Variants in TBC1D9B observed in about 807,000 individuals in gnomAD.
TBC1D9B encodes the protein TBC1 domain family member 9B, also known as TBC1 domain family, member 9B (with GRAM domain).
Under a neutral mutation model 121.1 loss-of-function variants are expected in TBC1D9B, and 87 were observed. That is an observed-to-expected ratio of 0.72 (90% CI 0.60 to 0.86). TBC1D9B has a LOEUF of 0.86. Ranked by LOEUF, TBC1D9B falls within the 40% of genes least tolerant of loss-of-function variation. The probability of loss-of-function intolerance (pLI) is 0.00; values close to 1 mark genes in which losing one functional copy is unlikely to be tolerated. For synonymous variants in TBC1D9B, 668 were observed against 670.1 expected (o/e 1.00, Z 0.05); for missense variants, 1,540 against 1,628.6 (o/e 0.95, Z 0.94).
At chr5:179,884,130 C>T (rs1032016530) in intron 7 of TBC1D9B, among the ~76,000 whole-genome samples, 1 of 152,032 alleles carries the variant, frequency 6.6e-6, no homozygotes, top group Non-Finnish European at 1.5e-5. Context: ...CGTCAGGCAG[C>T]GATAAGGCTG....
rs368891211 is a variant in TBC1D9B at position 179,869,887 on chromosome 5, T to A, written c.2726-53A>T. The A allele has an allele frequency of 3.3e-4, 491 of 1,492,490 alleles. 2 individuals carry two copies. The highest frequency in any genetic ancestry group is 1.9e-3 in the South Asian group (139 of 73,610). 92.5% of individuals were successfully genotyped at this position (1,492,490 alleles called of 1,614,324 possible). A position where few individuals can be genotyped will look rare whatever the true frequency, so the allele number is the denominator to read the frequency against. On this transcript the variant is annotated intron_variant, in intron 16 of 20. Transcript: ENST00000355235. ...TCTGGCAACATGGCTGCAGAGCCCCTTCCAGGGGGTCCGAGTAGGACCCTC... is the reference window on the plus strand; with the variant it reads ...TCTGGCAACATGGCTGCAGAGCCCCATCCAGGGGGTCCGAGTAGGACCCTC...
chr5:179,876,742 A>G (rs1760370672), intron 10 of TBC1D9B, among the ~76,000 whole-genome samples: 1 of 152,168 alleles, frequency 6.6e-6, no homozygotes, highest in African/African-American at 2.4e-5. Flanking sequence ...AAAATGGTGC[A>G]GCTGCTGGGG....
chr5:179,874,894 C>A lies in TBC1D9B; in HGVS notation c.2186+8G>T. On this transcript the variant is annotated splice_region_variant and intron_variant, in intron 12 of 20. Coordinates refer to ENST00000355235, the MANE Select transcript of TBC1D9B (RefSeq NM_015043.4). This position sits in a 1 kb window ranked among gnomAD's most constrained non-coding sequence, Gnocchi z 4.3. ...GCCCCCAGCAGGAGAAGGAACCCGG[C>A]ATGTCACCTGCCCAGCATGGTCATG... 2 of 1,611,546 alleles carry A rather than the reference C, an allele frequency of 1.2e-6. No individual in the cohort carries two copies. The highest frequency in any genetic ancestry group is 8.5e-7 in the Non-Finnish European group (1 of 1,179,112).
intron 9 of TBC1D9B, 85 bp downstream of exon 9, chr5:179,878,962 C>T (rs1037584446): frequency 2.1e-5 from 31 of 1,494,980 alleles, no homozygotes; most frequent in East Asian, 1.6e-4. Flanking sequence ...AACTCCAGGC[C>T]GGCTCAGGAC....
Position 179,870,461 on chromosome 5 carries a change from C to T in TBC1D9B, c.2519G>A (p.Ser840Asn). 6.2e-7 allele frequency: 1 copy of T among 1,612,372 alleles called. No homozygotes were observed. The highest frequency in any genetic ancestry group is 8.5e-7 in the Non-Finnish European group (1 of 1,179,962). ...GTCCCGACGGCCGGCCATTGTGCGG[C>T]TGCACCCCCAGTACTGGCTAGCCAG... ...KHLASQYWGCSRTMAGRRDPS... is the reference protein window; with the variant it reads ...KHLASQYWGCNRTMAGRRDPS... Residue 840 changes from serine (S) to asparagine (N), a missense_variant, in exon 16 of 21, where the codon AGC becomes AAC. Transcript: ENST00000355235.
At position 179,885,571 on chromosome 5, in the gene TBC1D9B, A is replaced by C. The variant is rs1289864926; in HGVS notation, c.1254+2532T>G. ...CCCACTGCACTCCAGCCTAGGTGAC[A>C]GAGCAAGACTCTGTCCCCCCCCCAA... On this transcript the variant is annotated intron_variant, in intron 7 of 20. Transcript: ENST00000355235. The surrounding 1 kb of genome is among the most constrained non-coding windows in gnomAD (Gnocchi z 4.5). 6.7e-6 allele frequency among the ~76,000 whole-genome samples: 1 copy of C among 149,746 alleles called. No homozygotes were observed. The highest frequency in any genetic ancestry group is 2.0e-4 in the East Asian group (1 of 5,010).
chr5:179,901,916 T>C (rs191387130), intron 2 of TBC1D9B, among the ~76,000 whole-genome samples: 31 of 152,352 alleles, frequency 2.0e-4, no homozygotes, highest in Middle Eastern at 6.8e-3. Flanking sequence ...TAAATGCTGT[T>C]TCTGTTTTCA....
chr5:179,899,363 G>T, intron 2 of TBC1D9B, 56 bp from the exon 3 acceptor site: 1 of 1,464,734 alleles, frequency 6.8e-7, no homozygotes, highest in Admixed American at 1.8e-5. Flanking sequence ...GGCCTTAAAC[G>T]CACATTCAAA....
At position 179,874,682 on chromosome 5, in the gene TBC1D9B, C is replaced by T. The variant is rs1760308073; in HGVS notation, c.2186+220G>A. Among the ~76,000 whole-genome samples, 1 of 152,210 alleles carries T rather than the reference C, an allele frequency of 6.6e-6. No individual in the cohort carries two copies. The highest frequency in any genetic ancestry group is 2.4e-5 in the African/African-American group (1 of 41,458). ...GCGGTGGCCCTCCAGCCAGCATGCT[C>T]TGCCCGCAGTGCCTGCTTTACTCCT... On this transcript the variant is annotated intron_variant, in intron 12 of 20. Coordinates refer to ENST00000355235, the MANE Select transcript of TBC1D9B (RefSeq NM_015043.4). The surrounding 1 kb of genome is among the most constrained non-coding windows in gnomAD (Gnocchi z 4.3).
rs1473330170 is a variant in TBC1D9B, at chr5:179,862,197, CTG to C, written c.*1249_*1250del. ...CAGTATGTATAAGGTTTGTTATTAT[CTG>C]TGGTTTTAGACATCCACTGGGGGTC... is the stretch of plus-strand genomic sequence containing the variant. On this transcript the variant is annotated 3_prime_UTR_variant, in exon 21 of 21. Transcript: ENST00000355235. 1 of 199,450 alleles carries C rather than the reference CTG, an allele frequency of 5.0e-6. No individual in the cohort carries two copies. Among genetic ancestry groups the C allele is most frequent in the Non-Finnish European group, 1.1e-5 (1 of 91,828 alleles). The allele number at this position is 199,450 out of a possible 1,614,324, so 12.4% of individuals were successfully genotyped here.
chr5:179,869,729 G>A, intron 17 of TBC1D9B, 40 bp downstream of exon 17: 4 of 1,607,320 alleles, frequency 2.5e-6, no homozygotes, highest in Non-Finnish European at 3.4e-6. Flanking sequence ...TTCTGGACAA[G>A]TGGGAGACCC....
rs890332076 is a variant in TBC1D9B at position 179,885,147 on chromosome 5, G to C, written c.1254+2956C>G. On this transcript the variant is annotated intron_variant, in intron 7 of 20. Transcript: ENST00000355235. The surrounding 1 kb of genome is among the most constrained non-coding windows in gnomAD (Gnocchi z 4.5). The stretch of plus-strand genomic sequence containing the variant: ...CTCTCTAGTCCAGCACTGCCCAAGA[G>C]AGATGATGAGAGCCACAAATGTAAT... Among the ~76,000 whole-genome samples, 3 of 152,168 alleles carry C rather than the reference G, an allele frequency of 2.0e-5. No homozygotes were observed. The highest frequency in any genetic ancestry group is 7.2e-5 in the African/African-American group (3 of 41,430).
chr5:179,872,996 G>A lies in TBC1D9B; in HGVS notation c.2317-6C>T. The A allele has an allele frequency of 1.2e-6, 2 of 1,614,040 alleles. No individual in the cohort carries two copies. The highest frequency in any genetic ancestry group is 1.7e-6 in the Non-Finnish European group (2 of 1,180,004). On this transcript the variant is annotated splice_polypyrimidine_tract_variant and splice_region_variant and intron_variant, in intron 13 of 20. Transcript: ENST00000355235. Reference sequence around the variant, plus strand: ...GCCCTCAGGCTGCTGAATTTCTATAGGGAGAGGTGACTTGGTGAGATCAAG... The same window carrying A: ...GCCCTCAGGCTGCTGAATTTCTATAAGGAGAGGTGACTTGGTGAGATCAAG...
intron 7 of TBC1D9B, 110 bp from the exon 8 acceptor site, chr5:179,879,899 G>A: frequency 7.8e-7 from 1 of 1,284,500 alleles, no homozygotes; most frequent in East Asian, 2.5e-5. Flanking sequence ...GAAGGGCCAT[G>A]GGGGCAAACG....
At chr5:179,880,520 C>G (rs766626472) in intron 7 of TBC1D9B, among the ~76,000 whole-genome samples, 5 of 152,146 alleles carry the variant, frequency 3.3e-5, no homozygotes, top group Admixed American at 6.5e-5. Flanking sequence ...TGGCCACGGT[C>G]CCACTCCACC....
At position 179,865,147 on chromosome 5, in the gene TBC1D9B, C is replaced by T. The variant is rs564043990; in HGVS notation, c.3021+107G>A. 2 of 1,072,996 alleles carry T rather than the reference C, an allele frequency of 1.9e-6. No homozygotes were observed. The highest frequency in any genetic ancestry group is 2.4e-5 in the East Asian group (1 of 42,030). 66.5% of individuals were successfully genotyped at this position (1,072,996 alleles called of 1,614,324 possible). On this transcript the variant is annotated intron_variant, in intron 20 of 20. Transcript: ENST00000355235. This position sits in a 1 kb window ranked among gnomAD's most constrained non-coding sequence, Gnocchi z 5.1. ...AACGGGCTCTAGAGGCAGGGAGGAG[C>T]CTTCCCACCCACCAGGAGATGCTGC...
intron 1 of TBC1D9B, among the ~76,000 whole-genome samples, chr5:179,906,365 G>A (rs1761316262): frequency 6.6e-6 from 1 of 152,188 alleles, no homozygotes; most frequent in Non-Finnish European, 1.5e-5. Context: ...GAGGTGGAAA[G>A]GAGAAGAGCC....
In TBC1D9B at chr5:179,899,246, T is replaced by C; in HGVS notation, c.291A>G (p.Thr97=). Residue 97 remains threonine, a synonymous_variant, in exon 3 of 21, where the codon ACA becomes ACG. Transcript: ENST00000355235. ...WEWLENNLLQ[T]LSIFDSEEDI... is the part of the protein sequence containing the mutation. ...CTTCCTCACTGTCGAAGATGGACAG[T>C]GTCTGGAGCAAGTTATTTTCCAGCC... 1.4e-5 allele frequency: 23 copies of C among 1,614,012 alleles called. No individual in the cohort carries two copies. The highest frequency in any genetic ancestry group is 1.9e-5 in the Non-Finnish European group (22 of 1,180,000).
rs1221884054 is a variant in TBC1D9B, at chr5:179,874,633, A to G, written c.2186+269T>C. Among the ~76,000 whole-genome samples, 2 of 152,106 alleles carry G rather than the reference A, an allele frequency of 1.3e-5. No individual in the cohort carries two copies. Among genetic ancestry groups the G allele is most frequent in the African/African-American group, 4.8e-5 (2 of 41,424 alleles). On this transcript the variant is annotated intron_variant, in intron 12 of 20. Coordinates refer to ENST00000355235, the MANE Select transcript of TBC1D9B (RefSeq NM_015043.4). This position sits in a 1 kb window ranked among gnomAD's most constrained non-coding sequence, Gnocchi z 4.3. ...CTTGGCTCTGGTTTGCCCTCAGGGG[A>G]AGCATCTCCAACCCTACATCTGAGC...
Sources: gnomAD v4.1 joint callset for allele counts (sites outside exome capture counted in the v4.1 genomes callset) on GRCh38, gnomAD v4.1.1 for gene constraint, Gnocchi (gnomAD v3.1) non-coding constraint, MANE v1.5 for transcripts, NCBI Gene and HGNC (gene_info 2026-07-23, HGNC 2026-07-21) for gene names.